The following SLC25A46 variants were observed in gnomAD, a reference collection of about 807,000 sequenced individuals.
The protein encoded by SLC25A46 is solute carrier family 25 member 46, also known as mitochondrial outer membrane protein SLC25A46.
In SLC25A46, 39 loss-of-function variants were observed where a neutral mutation model predicts 44.6. That is an observed-to-expected ratio of 0.87 (90% confidence interval 0.68 to 1.14). The LOEUF is 1.14. Ranked by LOEUF, SLC25A46 falls within the 50% of genes most tolerant of loss-of-function variation. SLC25A46 has a pLI of 0.00. For missense variants in SLC25A46, 547 were observed against 522.7 expected (o/e 1.05, Z -0.45); for synonymous variants, 202 against 185.8 (o/e 1.09, Z -0.71).
At position 110,762,831 on chromosome 5, in the gene SLC25A46, C is replaced by T. The variant is rs563958414; in HGVS notation, c.*1049C>T. ...ATAGTCACCACTAAATAATGGCTTC[C>T]GTTTTTATTTTCTTTCAGGTTTTGC... On this transcript the variant is annotated 3_prime_UTR_variant, in exon 8 of 8. Transcript: ENST00000355943. The T allele has an allele frequency of 1.4e-4, 21 of 151,894 alleles. No homozygotes were observed. The highest frequency in any genetic ancestry group is 3.9e-4 in the Admixed American group (6 of 15,222). 9.4% of individuals were successfully genotyped at this position (151,894 alleles called of 1,614,324 possible).
intron 6 of SLC25A46, chr5:110,756,200 T>C (rs1005443546): frequency 6.6e-6 from 1 of 152,080 alleles, no homozygotes; most frequent in Non-Finnish European, 1.5e-5. Context: ...TGTCTAAATA[T>C]TGGTGATAGG....
chr5:110,756,219 T>A (rs2150415849), intron 6 of SLC25A46: 1 of 151,448 alleles, frequency 6.6e-6, no homozygotes, highest in African/African-American at 2.4e-5. Context: ...GGAAACAACT[T>A]TGCAAAGCTG....
chr5:110,752,737 C>T (rs745387114), intron 5 of SLC25A46, among the ~76,000 whole-genome samples: 2 of 152,178 alleles, frequency 1.3e-5, no homozygotes, highest in Non-Finnish European at 2.9e-5. Context: ...AGTACAAGTG[C>T]ATTTTCAGAT....
chr5:110,743,163 T>C (rs1799733625), intron 2 of SLC25A46, among the ~76,000 whole-genome samples: 1 of 152,084 alleles, frequency 6.6e-6, no homozygotes, highest in African/African-American at 2.4e-5. Context: ...TGTAATTGTT[T>C]TGTGGGGCAC....
intron 3 of SLC25A46, 191 bp from the exon 4 acceptor site, chr5:110,746,077 TA>T (rs1799810638): frequency 1.9e-6 from 1 of 526,480 alleles, no homozygotes; most frequent in South Asian, 2.3e-5. Flanking sequence ...ATTGTATTTA[TA>T]TAACCATACA....
chr5:110,745,340 G>A (rs993801998), intron 3 of SLC25A46, among the ~76,000 whole-genome samples: 7 of 151,782 alleles, frequency 4.6e-5, no homozygotes, highest in Admixed American at 2.6e-4. Context: ...TGCAAACTCC[G>A]CCTCCTGGGT....
Position 110,756,647 on chromosome 5 carries a change from T to A in SLC25A46, c.621-55T>A. ...ACATATTAAAGCAGATATTAAAAAATTTAGTATAAGCATCTTGTTTCAGTA... is the reference window on the plus strand; with the variant it reads ...ACATATTAAAGCAGATATTAAAAAAATTAGTATAAGCATCTTGTTTCAGTA... On this transcript the variant is annotated intron_variant, in intron 6 of 7. Coordinates refer to ENST00000355943, the MANE Select transcript of SLC25A46 (RefSeq NM_138773.4). 3 of 1,225,464 alleles carry A rather than the reference T, an allele frequency of 2.4e-6. No individual in the cohort carries two copies. In the South Asian group the frequency reaches 4.4e-5, roughly 18 times the overall value. 75.9% of individuals were successfully genotyped at this position (1,225,464 alleles called of 1,614,324 possible).
intron 7 of SLC25A46, among the ~76,000 whole-genome samples, chr5:110,759,038 T>C (rs1160660267): frequency 6.6e-6 from 1 of 152,202 alleles, no homozygotes; most frequent in Non-Finnish European, 1.5e-5. Flanking sequence ...AAAAAAAATG[T>C]ATCAATTGTT....
rs940008783 is a variant in SLC25A46 at position 110,765,024 on chromosome 5, G to A, written c.*3242G>A. On this transcript the variant is annotated 3_prime_UTR_variant, in exon 8 of 8. Transcript: ENST00000355943. ...AGTAACAAAATCATGATTTGACAAT[G>A]AAATTTACATATTGCCTCACCTAGA... 6.6e-6 allele frequency: 1 copy of A among 151,412 alleles called. No homozygotes were observed. Among genetic ancestry groups the A allele is most frequent in the African/African-American group, 2.4e-5 (1 of 41,274 alleles). The allele number at this position is 151,412 out of a possible 1,614,324, so 9.4% of individuals were successfully genotyped here.
chr5:110,755,323 A>G (rs1311400250), intron 5 of SLC25A46, 142 bp from the exon 6 acceptor site: 1 of 578,848 alleles, frequency 1.7e-6, no homozygotes, highest in African/African-American at 2.0e-5. Flanking sequence ...GTTCTAGAAA[A>G]GAAAATGTTC....
chr5:110,740,442 C>G (rs1026587213), intron 1 of SLC25A46, among the ~76,000 whole-genome samples: 1 of 152,010 alleles, frequency 6.6e-6, no homozygotes, highest in Admixed American at 6.5e-5. Context: ...TGACTCTTCC[C>G]GGTTTAAAGT....
chr5:110,739,969 C>G (rs1799602337), intron 1 of SLC25A46, among the ~76,000 whole-genome samples: 1 of 151,964 alleles, frequency 6.6e-6, no homozygotes, highest in Admixed American at 6.5e-5. Context: ...TTTTTGAACA[C>G]AGGAGTTTTG....
chr5:110,738,937 T>G, upstream of SLC25A46: 2 of 1,424,738 alleles, frequency 1.4e-6, no homozygotes, highest in Non-Finnish European at 1.8e-6. Flanking sequence ...TGCCCTTTAA[T>G]GGTTGCCGGA....
rs72773193 is a variant in SLC25A46 at position 110,740,200 on chromosome 5, G to A, written c.283+798G>A. 1.8e-3 allele frequency among the ~76,000 whole-genome samples: 273 copies of A among 152,298 alleles called. 4 individuals are homozygous for A. Among genetic ancestry groups the A allele is most frequent in the South Asian group, 0.012 (57 of 4,828 alleles). ...CAACATCCTTTTTTATTCATAAAAT[G>A]TGAATAATGGCTACCTCTTTCTATT... On this transcript the variant is annotated intron_variant, in intron 1 of 7. Transcript: ENST00000355943.
In SLC25A46 at chr5:110,761,210, A is replaced by C; in HGVS notation, c.685A>C (p.Ile229Leu). 2.5e-6 allele frequency: 4 copies of C among 1,588,772 alleles called. No individual in the cohort carries two copies. Among genetic ancestry groups the C allele is most frequent in the Non-Finnish European group, 3.4e-6 (4 of 1,169,986 alleles). Residue 229 changes from isoleucine to leucine, a missense_variant, in exon 8 of 8, where the codon ATA becomes CTA. By Grantham distance (5) the Ile-to-Leu change is conservative. Transcript: ENST00000355943. The surrounding 1 kb of genome is among the most constrained non-coding windows in gnomAD (Gnocchi z 5.3). ...TTCATCATTTTTATTTCAGAGTGAG[A>C]TAATTCGAGATAATACTGGCATTTT... Reference protein sequence around the residue: ...ASLIETVQSEIIRDNTGILEC... With the variant: ...ASLIETVQSELIRDNTGILEC...
At chr5:110,760,558 G>T (rs1472495202) in intron 7 of SLC25A46, among the ~76,000 whole-genome samples, 1 of 152,122 alleles carries the variant, frequency 6.6e-6, no homozygotes, top group Non-Finnish European at 1.5e-5. Context: ...AGTCATTGCT[G>T]CAGCCAAAGT....
chr5:110,759,266 T>C (rs766756907), intron 7 of SLC25A46, among the ~76,000 whole-genome samples: 1 of 151,876 alleles, frequency 6.6e-6, no homozygotes, highest in Non-Finnish European at 1.5e-5. Context: ...GGAGGGGCGG[T>C]TAATATTTTT....
At chr5:110,751,344 T>C (rs961020021) in intron 5 of SLC25A46, among the ~76,000 whole-genome samples, 1 of 152,220 alleles carries the variant, frequency 6.6e-6, no homozygotes, top group South Asian at 2.1e-4. Flanking sequence ...ATTAAAGGGC[T>C]AGAAACAGTG....
intron 4 of SLC25A46, 49 bp downstream of exon 4, chr5:110,746,395 G>C: frequency 7.8e-7 from 1 of 1,289,542 alleles, no homozygotes; most frequent in Non-Finnish European, 1.1e-6. Flanking sequence ...AGTGTCATTT[G>C]GGTTTAGTAA....
Sources: allele counts gnomAD v4.1 joint callset (sites outside exome capture counted in the v4.1 genomes callset), GRCh38; gene constraint gnomAD v4.1.1; non-coding constraint Gnocchi (gnomAD v3.1); transcripts MANE v1.5; gene names NCBI Gene and HGNC (gene_info 2026-07-23, HGNC 2026-07-21).